Variants in TRMT9B observed in about 807,000 individuals in gnomAD.
TRMT9B encodes the protein probable tRNA methyltransferase 9B.
In TRMT9B, 16 loss-of-function variants were observed where a neutral mutation model predicts 11.5. That is an observed-to-expected ratio of 1.39 (90% CI 0.94 to 2.11). The LOEUF is 2.11. TRMT9B is among the 30% of genes most tolerant of loss of function. The pLI is 0.00. For synonymous variants in TRMT9B, 274 were observed against 192.4 expected (o/e 1.42, Z -3.51); for missense variants, 941 against 553.8 (o/e 1.70, Z -7.02).
chr8:13,004,221 A>T (rs2128888842), intron 2 of TRMT9B, among the ~76,000 whole-genome samples: 1 of 152,048 alleles, frequency 6.6e-6, no homozygotes, highest in East Asian at 2.0e-4. Flanking sequence ...TACACTTGAA[A>T]GGCAGTGTAG....
chr8:12,992,877 A>G (rs1807620538), intron 2 of TRMT9B, among the ~76,000 whole-genome samples: 1 of 152,174 alleles, frequency 6.6e-6, no homozygotes, highest in Non-Finnish European at 1.5e-5. Flanking sequence ...TCCAAAAAGT[A>G]AAAACTAAAA....
At chr8:13,002,961 C>T (rs921550369) in intron 2 of TRMT9B, among the ~76,000 whole-genome samples, 24 of 152,070 alleles carry the variant, frequency 1.6e-4, no homozygotes, top group African/African-American at 5.8e-4. Context: ...GGTGATCACT[C>T]CCTCTGCTAA....
At chr8:12,979,316 C>G (rs1221084624) in intron 1 of TRMT9B, among the ~76,000 whole-genome samples, 6 of 152,096 alleles carry the variant, frequency 3.9e-5, no homozygotes, top group African/African-American at 9.7e-5. Flanking sequence ...CCTATAGATT[C>G]TCAGTAACCT....
intron 1 of TRMT9B, among the ~76,000 whole-genome samples, chr8:12,947,747 C>T (rs1032204752): frequency 5.3e-5 from 8 of 152,208 alleles, no homozygotes; most frequent in African/African-American, 1.9e-4. Flanking sequence ...TTCAGGTGTG[C>T]AGTATTTATT....
intron 1 of TRMT9B, among the ~76,000 whole-genome samples, chr8:12,956,441 T>C (rs1563307641): frequency 6.6e-6 from 1 of 152,194 alleles, no homozygotes; most frequent in Non-Finnish European, 1.5e-5. Context: ...AGCAAATGAA[T>C]AACTAAAAAT....
At chr8:12,968,133 C>T (rs1054379170) in intron 1 of TRMT9B, among the ~76,000 whole-genome samples, 1 of 152,238 alleles carries the variant, frequency 6.6e-6, no homozygotes. Context: ...AATCCACCCA[C>T]CTCGATCTCT....
intron 1 of TRMT9B, among the ~76,000 whole-genome samples, chr8:12,966,157 C>CT (rs1043184238): frequency 6.6e-6 from 1 of 152,028 alleles, no homozygotes; most frequent in East Asian, 1.9e-4. Context: ...AAGACCCCCC[C>CT]CATCTCTACA....
intron 4 of TRMT9B, among the ~76,000 whole-genome samples, chr8:13,015,536 T>G (rs369410504): frequency 1.3e-5 from 2 of 148,814 alleles, no homozygotes; most frequent in East Asian, 4.1e-4. Flanking sequence ...TAATTTTTTT[T>G]GTAGAGATGG....
chr8:13,021,868 G>A lies in TRMT9B; in HGVS notation c.1189G>A (p.Asp397Asn). 6.2e-7 allele frequency: 1 copy of A among 1,613,906 alleles called. No individual in the cohort carries two copies. The highest frequency in any genetic ancestry group is 2.2e-5 in the East Asian group (1 of 44,860). ...CCCAGATGATACAATGTCTGTCGAA[G>A]ATCCACAGACTGATGTTTTGGACTC... is the stretch of plus-strand genomic sequence containing the variant. ...FNPDDTMSVEDPQTDVLDSTA... is the reference protein window; with the variant it reads ...FNPDDTMSVENPQTDVLDSTA... The change falls in exon 5 of 5, where the codon GAT becomes AAT. Residue 397 changes from aspartate (D) to asparagine (N), a missense_variant. Asp to Asn is a conservative substitution (Grantham distance 23, BLOSUM62 1). Coordinates refer to ENST00000524591, the MANE Select transcript of TRMT9B (RefSeq NM_020844.3).
chr8:12,992,307 A>G (rs939885462), intron 2 of TRMT9B, among the ~76,000 whole-genome samples: 7 of 152,128 alleles, frequency 4.6e-5, no homozygotes, highest in South Asian at 2.1e-4. Context: ...AGAGTTCATG[A>G]CAGTATCCGG....
At chr8:12,967,840 C>T (rs141148594) in intron 1 of TRMT9B, among the ~76,000 whole-genome samples, 1 of 152,324 alleles carries the variant, frequency 6.6e-6, no homozygotes, top group African/African-American at 2.4e-5. Context: ...TGTCTTTGGA[C>T]AGGCTGAAGG....
intron 4 of TRMT9B, 64 bp from the exon 5 acceptor site, chr8:13,020,944 A>G (rs991616443): frequency 1.4e-5 from 15 of 1,052,138 alleles, no homozygotes; most frequent in Non-Finnish European, 2.0e-5. Context: ...GGTAAACACC[A>G]GTGTATACGT....
At position 12,990,845 on chromosome 8, in the gene TRMT9B, C is replaced by T; in HGVS notation, c.-188C>T. 2 of 1,289,188 alleles carry T rather than the reference C, an allele frequency of 1.6e-6. No individual in the cohort carries two copies. The allele number at this position is 1,289,188 out of a possible 1,614,324, so 79.9% of individuals were successfully genotyped here. ...TTTCTTCCTGATAGGGCCTGTGCTT[C>T]CTTCAGAGACTCACACAAGAGGTTT... On this transcript the variant is annotated 5_prime_UTR_variant, in exon 2 of 5. Transcript: ENST00000524591.
At chr8:12,956,741 G>C (rs1801368405) in intron 1 of TRMT9B, among the ~76,000 whole-genome samples, 1 of 152,114 alleles carries the variant, frequency 6.6e-6, no homozygotes, top group Non-Finnish European at 1.5e-5. Flanking sequence ...CTCATTTTAA[G>C]GATTACAGAA....
At chr8:13,012,276 T>TA (rs748312519) in intron 3 of TRMT9B, 14,148 of 924,464 alleles carry the variant, frequency 0.015, no homozygotes, top group Non-Finnish European at 0.016. Context: ...CTTGGTTAGT[T>TA]AAAAAAAAAA....
intron 1 of TRMT9B, among the ~76,000 whole-genome samples, chr8:12,965,122 C>G (rs985841762): frequency 5.3e-5 from 8 of 152,318 alleles, no homozygotes; most frequent in Admixed American, 2.0e-4. Context: ...GCAAATGAGG[C>G]CATTCTTTCA....
At chr8:13,005,397 A>G (rs183444721) in intron 2 of TRMT9B, among the ~76,000 whole-genome samples, 1 of 152,262 alleles carries the variant, frequency 6.6e-6, no homozygotes, top group East Asian at 1.9e-4. Context: ...GTAAAAAAAA[A>G]TTTATTTGTA....
At position 13,024,795 on chromosome 8, in the gene TRMT9B, C is replaced by G. The variant is rs555126501; in HGVS notation, c.*2751C>G. ...CTCTTCATCTAATGAACATAAGAAT[C>G]TATGCATCCAGATATTATTTTGTAT... On this transcript the variant is annotated 3_prime_UTR_variant, in exon 5 of 5. Coordinates refer to ENST00000524591, the MANE Select transcript of TRMT9B (RefSeq NM_020844.3). 47 of 167,056 alleles carry G rather than the reference C, an allele frequency of 2.8e-4. No homozygotes were observed. Among genetic ancestry groups the G allele is most frequent in the African/African-American group, 1.1e-3 (46 of 41,554 alleles). 10.3% of individuals were successfully genotyped at this position (167,056 alleles called of 1,614,324 possible). A position where few individuals can be genotyped will look rare whatever the true frequency, so the allele number is the denominator to read the frequency against.
chr8:12,983,484 A>G (rs867620797), intron 1 of TRMT9B, among the ~76,000 whole-genome samples: 1 of 152,174 alleles, frequency 6.6e-6, no homozygotes, highest in South Asian at 2.1e-4. Flanking sequence ...AGCCTGACCA[A>G]CACGGTGAAA....
Sources: gnomAD v4.1 joint callset for allele counts (sites outside exome capture counted in the v4.1 genomes callset) on GRCh38, gnomAD v4.1.1 for gene constraint, MANE v1.5 for transcripts, NCBI Gene and HGNC (gene_info 2026-07-23, HGNC 2026-07-21) for gene names.